Variants in NABP2 observed in about 807,000 individuals in gnomAD.
NABP2 encodes nucleic acid binding protein 2.
NABP2 carries 7 observed loss-of-function variants against 22.7 expected under a neutral mutation model. That is an observed-to-expected ratio of 0.31 (90% CI 0.18 to 0.58). The LOEUF is 0.58. Among genes scored for constraint, NABP2 ranks in the 20% least tolerant of loss-of-function variants. The pLI is 0.89. For missense variants in NABP2, 188 were observed against 265.9 expected (o/e 0.71, Z 2.04); for synonymous variants, 107 against 99.2 (o/e 1.08, Z -0.47).
chr12:56,225,801 G>A, intron 4 of NABP2, 106 bp downstream of exon 4: 1 of 1,064,074 alleles, frequency 9.4e-7, no homozygotes, highest in Non-Finnish European at 1.4e-6. Context: ...GACTTTTTCT[G>A]TTTGTTTGTT....
At position 56,226,358 on chromosome 12, in the gene NABP2, G is replaced by A; in HGVS notation, c.375G>A (p.Val125=). ...GAATATGTAATCTGTGCCTTCAGGT[G>A]CAGAACGACAGCAACCCTTCAGCTT... ...YSTQQAPNKA[V]QNDSNPSASQ... is the part of the protein sequence containing the mutation. Residue 125 remains valine (V), a splice_region_variant and synonymous_variant, in exon 6 of 7, where the codon GTG becomes GTA. Transcript: ENST00000267023. 1 of 1,613,964 alleles carries A rather than the reference G, an allele frequency of 6.2e-7. No homozygotes were observed. The highest frequency in any genetic ancestry group is 1.1e-5 in the South Asian group (1 of 91,072).
intron 6 of NABP2, among the ~76,000 whole-genome samples, chr12:56,227,890 A>C (rs1051926615): frequency 1.3e-5 from 2 of 152,202 alleles, no homozygotes; most frequent in African/African-American, 4.8e-5. Context: ...GGGTAAGATT[A>C]CGTGTAATAA....
rs759250167 is a variant in NABP2 at position 56,229,193 on chromosome 12, C to T, written c.616C>T (p.Arg206Trp). 5 of 1,608,608 alleles carry T rather than the reference C, an allele frequency of 3.1e-6. No homozygotes were observed. Among genetic ancestry groups the T allele is most frequent in the Non-Finnish European group, 4.2e-6 (5 of 1,177,382 alleles). The change falls in exon 7 of 7, where the codon CGG becomes TGG. Residue 206 changes from arginine to tryptophan, a missense_variant. Physicochemically the swap from Arg to Trp is moderately radical, Grantham distance 101. Coordinates refer to ENST00000267023, the MANE Select transcript of NABP2 (RefSeq NM_024068.4). The stretch of plus-strand genomic sequence containing the variant: ...CCCTGTTAGTAACGGCAAAGAAACC[C>T]GGAGGAGCAGCAAGAGATAGCATGA... The part of the protein sequence containing the change: ...SNPVSNGKET[R>W]RSSKR
In NABP2 at chr12:56,229,292, G is replaced by A. The variant is rs1869991030; in HGVS notation, c.*79G>A. On this transcript the variant is annotated 3_prime_UTR_variant, in exon 7 of 7. Transcript: ENST00000267023. ...CAAGATAGCCTTCCACTGATTGGCTGGTGTAGCAGTATTTTAGCCACTGAA... is the reference window on the plus strand; with the variant it reads ...CAAGATAGCCTTCCACTGATTGGCTAGTGTAGCAGTATTTTAGCCACTGAA... 2.0e-6 allele frequency: 3 copies of A among 1,494,714 alleles called. No individual in the cohort carries two copies. Among genetic ancestry groups the A allele is most frequent in the Non-Finnish European group, 2.8e-6 (3 of 1,083,924 alleles). The allele number at this position is 1,494,714 out of a possible 1,614,324, so 92.6% of individuals were successfully genotyped here.
chr12:56,229,087 T>TTGCCCAC lies in NABP2; in HGVS notation c.510_511insTGCCCAC (p.Pro171CysfsTer32). On this transcript the variant is annotated frameshift_variant, in exon 7 of 7. Coordinates refer to ENST00000267023, the MANE Select transcript of NABP2 (RefSeq NM_024068.4). LOFTEE classifies it high-confidence loss of function. ...GTGGTGGCCCACATCCCCCTCATACTCCCTCCCACCCACCCAGCACCCGAA... is the reference window on the plus strand; with the variant it reads ...GTGGTGGCCCACATCCCCCTCATACTTGCCCACCCCTCCCACCCACCCAGCACCCGAA... 4.0e-6 allele frequency: 6 copies of TTGCCCAC among 1,512,336 alleles called. No homozygotes were observed. Among genetic ancestry groups the TTGCCCAC allele is most frequent in the Non-Finnish European group, 5.4e-6 (6 of 1,102,004 alleles). The allele number at this position is 1,512,336 out of a possible 1,614,324, so 93.7% of individuals were successfully genotyped here. A position where few individuals can be genotyped will look rare whatever the true frequency, so the allele number is the denominator to read the frequency against.
rs151118817 is a variant in NABP2, at chr12:56,229,110, G to A, written c.533G>A (p.Arg178Gln). ...ACTCCCTCCCACCCACCCAGCACCCGAATCACTCGAAGCCAGCCCAACCAC... is the reference window on the plus strand; with the variant it reads ...ACTCCCTCCCACCCACCCAGCACCCAAATCACTCGAAGCCAGCCCAACCAC... The part of the protein sequence containing the change: ...PHTPSHPPST[R>Q]ITRSQPNHTP... Residue 178 changes from arginine to glutamine, a missense_variant, in exon 7 of 7, where the codon CGA becomes CAA. Physicochemically the swap from Arg to Gln is conservative, Grantham distance 43 (BLOSUM62 1). Transcript: ENST00000267023. 3.8e-5 allele frequency: 12 copies of A among 313,294 alleles called. No homozygotes were observed. Among genetic ancestry groups the A allele is most frequent in the East Asian group, 1.1e-4 (1 of 9,386 alleles). 19.4% of individuals were successfully genotyped at this position (313,294 alleles called of 1,614,324 possible).
In NABP2 at chr12:56,225,530, T is replaced by C. The variant is rs1490342304; in HGVS notation, c.218+19T>C. 6.2e-7 allele frequency: 1 copy of C among 1,614,094 alleles called. No individual in the cohort carries two copies. The highest frequency in any genetic ancestry group is 1.3e-5 in the African/African-American group (1 of 74,932). ...CCAAAGGGTAAGTCAGCTGGTGACT[T>C]CTGGCCTTCCAAAGGCAACAACAAT... On this transcript the variant is annotated intron_variant, in intron 3 of 6. Coordinates refer to ENST00000267023, the MANE Select transcript of NABP2 (RefSeq NM_024068.4).
intron 2 of NABP2, 81 bp from the exon 3 acceptor site, chr12:56,225,292 A>G (rs1869708704): frequency 6.4e-7 from 1 of 1,573,708 alleles, no homozygotes; most frequent in East Asian, 2.2e-5. Context: ...CATTCCACCA[A>G]TATCCACATC....
rs992739708 is a variant in NABP2 at position 56,229,003 on chromosome 12, C to T, written c.437-11C>T. The T allele has an allele frequency of 6.2e-7, 1 of 1,608,922 alleles. No homozygotes were observed. Among genetic ancestry groups the T allele is most frequent in the Non-Finnish European group, 8.5e-7 (1 of 1,177,608 alleles). ...AACTAATTCCTTTGTTTCTTCTCCT[C>T]CCACAATTAGCCTCTGAGAACCAGA... On this transcript the variant is annotated splice_polypyrimidine_tract_variant and intron_variant, in intron 6 of 6. Transcript: ENST00000267023.
chr12:56,224,488 C>CT, intron 1 of NABP2, 47 bp downstream of exon 1: 1 of 1,066,100 alleles, frequency 9.4e-7, no homozygotes, highest in Non-Finnish European at 1.1e-6. Flanking sequence ...CGAGTCCCGG[C>CT]TTGTCGGGAT....
At chr12:56,225,816 T>G in intron 4 of NABP2, 121 bp downstream of exon 4, 1 of 1,122,374 alleles carries the variant, frequency 8.9e-7, no homozygotes, top group Non-Finnish European at 1.3e-6. Context: ...TTTGTTTGTT[T>G]GTTTTGAGAA....
chr12:56,225,545 G>A (rs369274040), intron 3 of NABP2, 34 bp downstream of exon 3: 2 of 1,614,006 alleles, frequency 1.2e-6, no homozygotes, highest in Non-Finnish European at 1.7e-6. Flanking sequence ...CCTTCCAAAG[G>A]CAACAACAAT....
chr12:56,224,282 C>G, upstream of NABP2: 1 of 972,296 alleles, frequency 1.0e-6, no homozygotes, highest in South Asian at 4.7e-5. Context: ...ACGCAGGGCG[C>G]GCCCGGGCGG....
At chr12:56,223,399 A>G (rs1402487374), upstream of NABP2, among the ~76,000 whole-genome samples, 4 of 152,060 alleles carry the variant, frequency 2.6e-5, no homozygotes, top group Non-Finnish European at 5.9e-5. Flanking sequence ...GTCTCTACAA[A>G]AAAAATACAG....
intron 6 of NABP2, among the ~76,000 whole-genome samples, chr12:56,228,590 G>A (rs575756109): frequency 1.3e-5 from 2 of 152,080 alleles, no homozygotes; most frequent in African/African-American, 4.8e-5. Context: ...GTTTCACTAT[G>A]TTGGCCAGGC....
At chr12:56,226,101 C>G in intron 4 of NABP2, 78 bp from the exon 5 acceptor site, 1 of 1,338,738 alleles carries the variant, frequency 7.5e-7, no homozygotes, top group Non-Finnish European at 1.1e-6. Context: ...CACACCGAAC[C>G]TATCTGGACT....
intron 3 of NABP2, 49 bp downstream of exon 3, chr12:56,225,560 A>G (rs1373768062): frequency 6.2e-7 from 1 of 1,614,074 alleles, no homozygotes; most frequent in East Asian, 2.2e-5. Flanking sequence ...AACAATCAAG[A>G]GTGGGGTTAA....
chr12:56,228,964 C>A, intron 6 of NABP2, 50 bp from the exon 7 acceptor site: 1 of 1,535,240 alleles, frequency 6.5e-7, no homozygotes, highest in Non-Finnish European at 8.9e-7. Context: ...TGGGATGGAC[C>A]CCTCTCCTAT....
rs919987310 is a variant in NABP2, at chr12:56,229,345, C to T, written c.*132C>T. ...TCAGTGGAGGGTGGTGAGCAGTGTC[C>T]TTATCCACCCTAATCTCATACTCCC... On this transcript the variant is annotated 3_prime_UTR_variant, in exon 7 of 7. Transcript: ENST00000267023. 4.4e-6 allele frequency: 4 copies of T among 898,888 alleles called. No homozygotes were observed. Among genetic ancestry groups the T allele is most frequent in the Middle Eastern group, 3.4e-4 (1 of 2,932 alleles). The allele number at this position is 898,888 out of a possible 1,614,324, so 55.7% of individuals were successfully genotyped here. A position where few individuals can be genotyped will look rare whatever the true frequency, so the allele number is the denominator to read the frequency against.
Sources: allele counts gnomAD v4.1 joint callset (sites outside exome capture counted in the v4.1 genomes callset), GRCh38; gene constraint gnomAD v4.1.1; transcripts MANE v1.5; gene names NCBI Gene and HGNC (gene_info 2026-07-23, HGNC 2026-07-21).